FLRT1: variants seen among roughly 807,000 people sequenced by gnomAD.
FLRT1 encodes the protein leucine-rich repeat transmembrane protein FLRT1.
FLRT1 carries 14 observed loss-of-function variants against 30.9 expected under a neutral mutation model. That is an observed-to-expected ratio of 0.45 (90% CI 0.30 to 0.71). The LOEUF is 0.71. Ranked by LOEUF, FLRT1 falls within the 30% of genes least tolerant of loss-of-function variation. The probability of loss-of-function intolerance (pLI) is 0.08; values close to 1 mark genes in which losing one functional copy is unlikely to be tolerated. For synonymous variants in FLRT1, 368 were observed against 430.4 expected, an observed-to-expected ratio of 0.85 and a Z score of 1.80; for missense variants, 737 against 949.2, an observed-to-expected ratio of 0.78 and a Z score of 2.94.
chr11:64,097,074 G>A (rs1461245836), intron 1 of FLRT1, among the ~76,000 whole-genome samples: 7 of 152,368 alleles, frequency 4.6e-5, no homozygotes, highest in South Asian at 2.1e-4. Flanking sequence ...CCTGCTGCCC[G>A]GGGATGGCGG....
In FLRT1 at chr11:64,055,852, G is replaced by A. The variant is rs182478455; in HGVS notation, c.-1038+19693G>A. ...ACCATTCTTAGCACCAGGCCAGGCC[G>A]GTGACTCTTGGGTCTGCTATTGTCC... is the stretch of plus-strand genomic sequence containing the variant. On this transcript the variant is annotated intron_variant, in intron 1 of 2. Transcript: ENST00000682287. 7.9e-5 allele frequency among the ~76,000 whole-genome samples: 12 copies of A among 152,284 alleles called. No individual in the cohort carries two copies. In the East Asian group the frequency reaches 2.1e-3, roughly 27 times the overall value.
intron 1 of FLRT1, among the ~76,000 whole-genome samples, chr11:64,063,902 C>A (rs190992220): frequency 1.3e-5 from 2 of 152,198 alleles, no homozygotes; most frequent in Non-Finnish European, 2.9e-5. Context: ...GGGGACCAGC[C>A]GGGCCCTCCC....
chr11:64,079,537 G>C (rs1461955698), intron 1 of FLRT1, among the ~76,000 whole-genome samples: 1 of 152,178 alleles, frequency 6.6e-6, no homozygotes, highest in African/African-American at 2.4e-5. Flanking sequence ...CAAAGGCTTG[G>C]AGGTGAGAGA....
At chr11:64,048,667 A>G (rs1228388458) in intron 1 of FLRT1, among the ~76,000 whole-genome samples, 7 of 147,496 alleles carry the variant, frequency 4.7e-5, no homozygotes. Context: ...TCCTTAAAGC[A>G]GCCCTACAAA....
intron 1 of FLRT1, among the ~76,000 whole-genome samples, chr11:64,037,446 A>G (rs1271601684): frequency 1.3e-5 from 2 of 152,218 alleles, no homozygotes; most frequent in African/African-American, 4.8e-5. Flanking sequence ...ATCACCTGTC[A>G]GCTGGTGCTG....
At chr11:64,049,741 AG>A (rs1943655206) in intron 1 of FLRT1, among the ~76,000 whole-genome samples, 1 of 152,150 alleles carries the variant, frequency 6.6e-6, no homozygotes, top group Non-Finnish European at 1.5e-5. Context: ...TCTCATCCTG[AG>A]GGGGATCGGT....
At chr11:64,111,440 C>A (rs1565237523) in intron 2 of FLRT1, among the ~76,000 whole-genome samples, 3 of 152,262 alleles carry the variant, frequency 2.0e-5, no homozygotes. Context: ...CCCTGTGCTA[C>A]CTACCTGCTC....
chr11:64,113,417 CATGG>C (rs71045732), intron 2 of FLRT1, among the ~76,000 whole-genome samples: 16,582 of 144,712 alleles, frequency 0.11, 1,104 homozygotes, highest in Non-Finnish European at 0.16. Context: ...CAGGTTGATG[CATGG>C]ATGGATGGAT....
chr11:64,092,003 C>T (rs118116176), intron 1 of FLRT1, among the ~76,000 whole-genome samples: 3,070 of 152,308 alleles, frequency 0.02, 50 homozygotes, highest in Non-Finnish European at 0.031. Context: ...GGGCTGCCGG[C>T]CCTCTATCCC....
At position 64,103,337 on chromosome 11, in the gene FLRT1, T is replaced by C. The variant is rs1944703857; in HGVS notation, c.-894T>C. ...GAGCAGCCAAGCAGGACTGAGGCCCTTGCCCCCCAAGCATCTTCTCAAAGA... is the reference window on the plus strand; with the variant it reads ...GAGCAGCCAAGCAGGACTGAGGCCCCTGCCCCCCAAGCATCTTCTCAAAGA... On this transcript the variant is annotated 5_prime_UTR_variant, in exon 2 of 3. Coordinates refer to ENST00000682287, the MANE Select transcript of FLRT1 (RefSeq NM_013280.5). The C allele has an allele frequency of 6.6e-6, 1 of 152,118 alleles. No individual in the cohort carries two copies. Among genetic ancestry groups the C allele is most frequent in the Non-Finnish European group, 1.5e-5 (1 of 68,074 alleles). 9.4% of individuals were successfully genotyped at this position (152,118 alleles called of 1,614,324 possible).
At chr11:64,038,393 G>A (rs1943423538) in intron 1 of FLRT1, among the ~76,000 whole-genome samples, 1 of 152,356 alleles carries the variant, frequency 6.6e-6, no homozygotes, top group Non-Finnish European at 1.5e-5. Context: ...GCAGGGAAGG[G>A]CAGTGCACAC....
At chr11:64,057,381 GA>G (rs958138528) in intron 1 of FLRT1, among the ~76,000 whole-genome samples, 2 of 152,242 alleles carry the variant, frequency 1.3e-5, no homozygotes, top group African/African-American at 4.8e-5. Flanking sequence ...TACCAAGGCA[GA>G]TTTAAAACCT....
At chr11:64,081,822 C>G (rs546835826) in intron 1 of FLRT1, 1 of 152,180 alleles carries the variant, frequency 6.6e-6, no homozygotes. Flanking sequence ...GGTCCGGGTC[C>G]GTTCTCCCCA....
rs560451980 is a variant in FLRT1 at position 64,058,843 on chromosome 11, G to C, written c.-1038+22684G>C. 1.5e-3 allele frequency among the ~76,000 whole-genome samples: 231 copies of C among 151,118 alleles called. 1 individual carries two copies. The highest frequency in any genetic ancestry group is 2.4e-3 in the Non-Finnish European group (166 of 68,012). Reference sequence around the variant, plus strand: ...GGGCGTGAAGAGGGCAGCCGGCAAGGGGGGGTAGGACCAGTGATAGGGGAG... The same window carrying C: ...GGGCGTGAAGAGGGCAGCCGGCAAGCGGGGGTAGGACCAGTGATAGGGGAG... On this transcript the variant is annotated intron_variant, in intron 1 of 2. Coordinates refer to ENST00000682287, the MANE Select transcript of FLRT1 (RefSeq NM_013280.5).
At chr11:64,115,329 C>G (rs1197217196) in intron 2 of FLRT1, among the ~76,000 whole-genome samples, 4 of 152,108 alleles carry the variant, frequency 2.6e-5, no homozygotes, top group Non-Finnish European at 5.9e-5. Context: ...ACAGACGTGA[C>G]TCCTCCCTCC....
At chr11:64,039,890 C>T (rs764904234) in intron 1 of FLRT1, among the ~76,000 whole-genome samples, 3 of 152,044 alleles carry the variant, frequency 2.0e-5, no homozygotes, top group Non-Finnish European at 4.4e-5. Flanking sequence ...GGGGAGAGGA[C>T]AGGGAGGAGG....
At chr11:64,065,343 G>A (rs753981327) in intron 1 of FLRT1, among the ~76,000 whole-genome samples, 14 of 152,168 alleles carry the variant, frequency 9.2e-5, no homozygotes, top group African/African-American at 2.2e-4. Flanking sequence ...TTCTGAGGGC[G>A]GCTGGGGCCT....
intron 2 of FLRT1, among the ~76,000 whole-genome samples, chr11:64,113,937 CGGATGGAT>C (rs562555774): frequency 1.4e-4 from 9 of 66,520 alleles, no homozygotes; most frequent in African/African-American, 2.4e-4. Flanking sequence ...GATTGATGCA[CGGATGGAT>C]GGATGGATGG....
chr11:64,084,387 C>A (rs971580015), intron 1 of FLRT1, among the ~76,000 whole-genome samples: 5 of 152,204 alleles, frequency 3.3e-5, no homozygotes, highest in Non-Finnish European at 5.9e-5. Context: ...CCTGCTCTGC[C>A]CCCGCTGCCT....
Sources: gnomAD v4.1 joint callset for allele counts (sites outside exome capture counted in the v4.1 genomes callset) on GRCh38, gnomAD v4.1.1 for gene constraint, MANE v1.5 for transcripts, NCBI Gene and HGNC (gene_info 2026-07-23, HGNC 2026-07-21) for gene names.